The following RPS6KC1 variants were observed in gnomAD, a reference collection of about 807,000 sequenced individuals.
RPS6KC1 encodes the protein inactive ribosomal protein S6 kinase delta-1.
Under a neutral mutation model 103.8 loss-of-function variants are expected in RPS6KC1, and 54 were observed. That is an observed-to-expected ratio of 0.52 (90% CI 0.42 to 0.65). RPS6KC1 has a LOEUF of 0.65. Among genes scored for constraint, RPS6KC1 ranks in the 30% least tolerant of loss-of-function variants. RPS6KC1 has a pLI of 0.00. For missense variants in RPS6KC1, 1,151 were observed against 1,253.8 expected, an observed-to-expected ratio of 0.92 and a Z score of 1.24; for synonymous variants, 439 against 438.7, an observed-to-expected ratio of 1.00 and a Z score of -0.01.
At chr1:213,179,191 G>T (rs534722893) in intron 8 of RPS6KC1, among the ~76,000 whole-genome samples, 4 of 152,068 alleles carry the variant, frequency 2.6e-5, no homozygotes, top group Non-Finnish European at 4.4e-5. Flanking sequence ...GAGGCGGGCA[G>T]ATCACCTGAG....
At chr1:213,604,258 G>T in the RPS6KC1 span, among the ~76,000 whole-genome samples, 2 of 152,234 alleles carry the variant, frequency 1.3e-5, no homozygotes, top group African/African-American at 4.8e-5. Context: ...AAATTAGGTT[G>T]CAACTTGCTG....
At chr1:213,673,730 T>A in the RPS6KC1 span, among the ~76,000 whole-genome samples, 5 of 152,224 alleles carry the variant, frequency 3.3e-5, no homozygotes, top group Non-Finnish European at 1.5e-5. Context: ...AGCCTATAGC[T>A]CCATTAGAAT....
chr1:213,184,668 C>T (rs2092443998), intron 8 of RPS6KC1, among the ~76,000 whole-genome samples: 1 of 152,036 alleles, frequency 6.6e-6, no homozygotes, highest in South Asian at 2.1e-4. Flanking sequence ...TTTGCCATAG[C>T]CCACAGATTT....
intron 6 of RPS6KC1, among the ~76,000 whole-genome samples, chr1:213,130,249 C>A (rs1300641516): frequency 6.6e-6 from 1 of 152,032 alleles, no homozygotes; most frequent in African/African-American, 2.4e-5. Flanking sequence ...TCTTGATGAC[C>A]TGAAGAGACA....
At chr1:213,389,022 A>G in the RPS6KC1 span, among the ~76,000 whole-genome samples, 92,299 of 151,968 alleles carry the variant, frequency 0.61, 28,477 homozygotes, top group East Asian at 0.82. Context: ...TAGTGGGGTG[A>G]CAAGAAACTT....
the RPS6KC1 span, among the ~76,000 whole-genome samples, chr1:213,733,684 T>C: frequency 2.0e-5 from 3 of 152,190 alleles, no homozygotes; most frequent in African/African-American, 7.2e-5. Flanking sequence ...GGTTTTATCT[T>C]AAATTGTAGC....
chr1:213,783,154 C>T, the RPS6KC1 span, among the ~76,000 whole-genome samples: 1 of 152,328 alleles, frequency 6.6e-6, no homozygotes, highest in East Asian at 1.9e-4. Flanking sequence ...GGGCTCCAGA[C>T]ACCGCAGTAT....
At chr1:213,263,998 A>G (rs941482595) in intron 14 of RPS6KC1, among the ~76,000 whole-genome samples, 2 of 152,150 alleles carry the variant, frequency 1.3e-5, no homozygotes, top group Non-Finnish European at 1.5e-5. Context: ...GGAGTCTGAA[A>G]GACCCAAGTT....
chr1:213,645,856 A>C, the RPS6KC1 span, among the ~76,000 whole-genome samples: 1 of 152,196 alleles, frequency 6.6e-6, no homozygotes, highest in African/African-American at 2.4e-5. Flanking sequence ...CCGCTGCTCC[A>C]GCTTCTGGTT....
At chr1:213,068,315 C>A (rs1456980418) in intron 1 of RPS6KC1, among the ~76,000 whole-genome samples, 1 of 151,622 alleles carries the variant, frequency 6.6e-6, no homozygotes, top group Non-Finnish European at 1.5e-5. Flanking sequence ...GAAACCTTGT[C>A]TCTACTAAAA....
the RPS6KC1 span, among the ~76,000 whole-genome samples, chr1:213,382,153 C>T: frequency 6.6e-6 from 1 of 152,212 alleles, no homozygotes; most frequent in South Asian, 2.1e-4. Context: ...CATCTGCTCC[C>T]TAAAACCTCC....
chr1:213,098,167 G>A (rs1191393781), intron 3 of RPS6KC1, among the ~76,000 whole-genome samples: 1 of 152,118 alleles, frequency 6.6e-6, no homozygotes, highest in African/African-American at 2.4e-5. Flanking sequence ...CAAGGCTGGA[G>A]TGTAGTGATG....
At chr1:213,458,377 C>CGT in the RPS6KC1 span, among the ~76,000 whole-genome samples, 179 of 150,840 alleles carry the variant, frequency 1.2e-3, no homozygotes, top group African/African-American at 3.7e-3. Context: ...AAACGTAACA[C>CGT]TTTTTTTTTA....
At chr1:213,156,184 A>G (rs953579649) in intron 6 of RPS6KC1, among the ~76,000 whole-genome samples, 2 of 152,206 alleles carry the variant, frequency 1.3e-5, no homozygotes, top group African/African-American at 4.8e-5. Context: ...ACCAAACTGA[A>G]CTTCTATAGG....
chr1:213,235,493 G>A (rs1392705271), intron 10 of RPS6KC1, among the ~76,000 whole-genome samples: 1 of 152,074 alleles, frequency 6.6e-6, no homozygotes, highest in Non-Finnish European at 1.5e-5. Flanking sequence ...TTTTATATAG[G>A]GTGGTCATCT....
chr1:213,592,136 A>G, the RPS6KC1 span, among the ~76,000 whole-genome samples: 5 of 152,212 alleles, frequency 3.3e-5, no homozygotes, highest in African/African-American at 1.2e-4. Flanking sequence ...GACAATGAAG[A>G]TTGAAATAAG....
the RPS6KC1 span, among the ~76,000 whole-genome samples, chr1:213,736,217 T>C: frequency 1.2e-3 from 187 of 152,266 alleles, 1 homozygote; most frequent in African/African-American, 4.3e-3. Context: ...TTTCCATGGG[T>C]CAGTAGTCCA....
chr1:213,796,182 A>G, the RPS6KC1 span, among the ~76,000 whole-genome samples: 1 of 152,360 alleles, frequency 6.6e-6, no homozygotes, highest in Admixed American at 6.5e-5. Flanking sequence ...TCAGTAACCC[A>G]ATATTATCTT....
chr1:213,554,758 T>A, the RPS6KC1 span, among the ~76,000 whole-genome samples: 18 of 152,328 alleles, frequency 1.2e-4, no homozygotes, highest in African/African-American at 4.3e-4. Context: ...TTCTCTTATA[T>A]CCTGATGCAG....
Sources: gnomAD v4.1 joint callset for allele counts (sites outside exome capture counted in the v4.1 genomes callset) on GRCh38, gnomAD v4.1.1 for gene constraint, MANE v1.5 for transcripts, NCBI Gene and HGNC (gene_info 2026-07-23, HGNC 2026-07-21) for gene names.